Variants in WDR11 observed in about 807,000 individuals in gnomAD.
WDR11 encodes WD repeat-containing protein 11.
In WDR11, 83 loss-of-function variants were observed where a neutral mutation model predicts 151.2. The ratio of observed to expected loss-of-function variants is 0.55; its 90% CI spans 0.46 to 0.66. The LOEUF (loss-of-function observed/expected upper bound fraction) is 0.66, where lower values mean the gene tolerates loss of function less well. WDR11 is among the 30% of genes least tolerant of loss of function. WDR11 has a pLI of 0.00. For synonymous variants in WDR11, 484 were observed against 533.1 expected (o/e 0.91, Z 1.27); for missense variants, 1,301 against 1,480.9 (o/e 0.88, Z 1.99).
At chr10:120,864,996 G>T in intron 5 of WDR11, 51 bp from the exon 6 acceptor site, 1 of 1,576,436 alleles carries the variant, frequency 6.3e-7, no homozygotes, top group Non-Finnish European at 8.7e-7. Flanking sequence ...TCTTTTATTA[G>T]GTCTGATATA....
chr10:120,857,079 CAT>C lies in WDR11; in HGVS notation c.199-1553_199-1552del, dbSNP rs138746996. On this transcript the variant is annotated intron_variant, in intron 2 of 28. Coordinates refer to ENST00000263461, the MANE Select transcript of WDR11 (RefSeq NM_018117.12). ...ACACATGCCTGAGCAAAGATTATCA[CAT>C]ATATATATATGTATGTATTTTTTGC... 7.3e-5 allele frequency among the ~76,000 whole-genome samples: 11 copies of C among 151,338 alleles called. No individual in the cohort carries two copies. The South Asian group carries it at 1.5e-3, about 20-fold the overall frequency.
At chr10:120,890,530 A>G (rs528950491) in intron 18 of WDR11, among the ~76,000 whole-genome samples, 186 bp from the exon 19 acceptor site, 1 of 152,244 alleles carries the variant, frequency 6.6e-6, no homozygotes, top group South Asian at 2.1e-4. Context: ...TTTATTTTTT[A>G]ATATTATCAC....
intron 12 of WDR11, among the ~76,000 whole-genome samples, 184 bp downstream of exon 12, chr10:120,878,643 T>C (rs1846889131): frequency 1.3e-5 from 2 of 152,196 alleles, no homozygotes; most frequent in East Asian, 1.9e-4. Context: ...ATGGAAATGT[T>C]GTTGGCACAA....
chr10:120,905,170 T>TA, intron 25 of WDR11, 149 bp from the exon 26 acceptor site: 1 of 793,152 alleles, frequency 1.3e-6, no homozygotes, highest in Non-Finnish European at 2.1e-6. Context: ...AAACTCTTAA[T>TA]ATTATGTTTC....
At chr10:120,901,232 T>G (rs557602943) in intron 21 of WDR11, 134 bp downstream of exon 21, 3 of 795,174 alleles carry the variant, frequency 3.8e-6, no homozygotes, top group South Asian at 3.1e-5. Context: ...CCATTCTGTT[T>G]AGAGGTTTGC....
At chr10:120,875,164 C>T (rs568693944) in intron 11 of WDR11, among the ~76,000 whole-genome samples, 23 of 152,262 alleles carry the variant, frequency 1.5e-4, no homozygotes, top group African/African-American at 4.3e-4. Context: ...TTTATGGCTG[C>T]GTATTTTTCA....
chr10:120,875,651 C>G (rs1054613404), intron 11 of WDR11, among the ~76,000 whole-genome samples: 1 of 152,046 alleles, frequency 6.6e-6, no homozygotes, highest in Admixed American at 6.6e-5. Flanking sequence ...ACTACAGGCA[C>G]GTGCCACCAT....
chr10:120,878,477 C>A lies in WDR11; in HGVS notation c.1663+18C>A. ...TCCAACAGGTTTGTTTTTAAAGATC[C>A]AAATAGGTTTGTCATATTGAATAAA... On this transcript the variant is annotated intron_variant, in intron 12 of 28. Coordinates refer to ENST00000263461, the MANE Select transcript of WDR11 (RefSeq NM_018117.12). 1 of 1,580,498 alleles carries A rather than the reference C, an allele frequency of 6.3e-7. No homozygotes were observed. Among genetic ancestry groups the A allele is most frequent in the Non-Finnish European group, 8.7e-7 (1 of 1,150,082 alleles).
intron 1 of WDR11, chr10:120,851,730 C>G (rs775544876): frequency 1.0e-4 from 64 of 610,462 alleles, no homozygotes; most frequent in Non-Finnish European, 1.7e-4. Context: ...CCCTCTTTCT[C>G]GCGTATTTCT....
Position 120,867,183 on chromosome 10 carries a change from C to T in WDR11, c.1294+14C>T, listed in dbSNP as rs768124262. 1 of 1,567,458 alleles carries T rather than the reference C, an allele frequency of 6.4e-7. No homozygotes were observed. The highest frequency in any genetic ancestry group is 1.1e-5 in the South Asian group (1 of 90,124). On this transcript the variant is annotated intron_variant, in intron 9 of 28. Transcript: ENST00000263461. ...ATAACATGATTGGTAAGCTTTTTTC[C>T]CCTCTAACTCCATGTTAAGTATTCT...
intron 3 of WDR11, among the ~76,000 whole-genome samples, chr10:120,859,838 A>C (rs1168129839): frequency 6.6e-6 from 1 of 151,998 alleles, no homozygotes; most frequent in Admixed American, 6.6e-5. Flanking sequence ...GATTAGGGCA[A>C]ATTGCCTTTT....
In WDR11 at chr10:120,903,167, C is replaced by G. The variant is rs1487155345; in HGVS notation, c.2866C>G (p.Arg956Gly). ...STTAPKEAAP[R>G]DKLSNPLDIC... ...AACAGCTCCTAAAGAAGCTGCTCCTCGAGACAAACTGAGCAACCCACTGGA... is the reference window on the plus strand; with the variant it reads ...AACAGCTCCTAAAGAAGCTGCTCCTGGAGACAAACTGAGCAACCCACTGGA... The change falls in exon 23 of 29, where the codon CGA (arginine) becomes GGA (glycine). Residue 956 changes from arginine (R) to glycine (G), a missense_variant. Physicochemically the swap from Arg to Gly is moderately radical, Grantham distance 125. This residue lies in a region of WDR11 where 589 missense variants were observed against 670.6 expected (regional missense o/e 0.88). Coordinates refer to ENST00000263461, the MANE Select transcript of WDR11 (RefSeq NM_018117.12). 2.5e-6 allele frequency: 4 copies of G among 1,614,142 alleles called. No homozygotes were observed. Among genetic ancestry groups the G allele is most frequent in the African/African-American group, 1.3e-5 (1 of 75,026 alleles).
At chr10:120,867,008 C>G (rs188937654) in intron 8 of WDR11, 58 bp from the exon 9 acceptor site, 2 of 1,387,258 alleles carry the variant, frequency 1.4e-6, no homozygotes, top group African/African-American at 2.8e-5. Context: ...CTTTGAATTC[C>G]TAATACGTAA....
intron 19 of WDR11, among the ~76,000 whole-genome samples, chr10:120,896,822 T>TA (rs1160975235): frequency 6.6e-6 from 1 of 152,116 alleles, no homozygotes; most frequent in African/African-American, 2.4e-5. Context: ...TTTGGGTTGG[T>TA]AAAAAATCAT....
chr10:120,881,000 T>C (rs934330204), intron 13 of WDR11, 99 bp downstream of exon 13: 11 of 1,074,880 alleles, frequency 1.0e-5, no homozygotes, highest in Non-Finnish European at 1.5e-5. Flanking sequence ...GGAATGCATA[T>C]GGAATCTTTT....
chr10:120,895,304 A>T (rs933036726), intron 19 of WDR11, among the ~76,000 whole-genome samples: 3 of 152,182 alleles, frequency 2.0e-5, no homozygotes, highest in Admixed American at 2.0e-4. Flanking sequence ...TGCTATCTAA[A>T]ATATGAATGG....
At chr10:120,862,509 A>G in intron 4 of WDR11, 1 of 466,746 alleles carries the variant, frequency 2.1e-6, no homozygotes, top group Non-Finnish European at 3.8e-6. Flanking sequence ...TCTTTTTAAT[A>G]TAAGACATAA....
Position 120,858,612 on chromosome 10 carries a change from ATTTACTTGATCT to A in WDR11, c.199-30_199-19del. 1 of 1,613,922 alleles carries A rather than the reference ATTTACTTGATCT, an allele frequency of 6.2e-7. No homozygotes were observed. The highest frequency in any genetic ancestry group is 8.5e-7 in the Non-Finnish European group (1 of 1,179,830). On this transcript the variant is annotated intron_variant, in intron 2 of 28. Transcript: ENST00000263461. The stretch of plus-strand genomic sequence containing the variant: ...ATGTTCTGTTTCATCCAGCGCAAGT[ATTTACTTGATCT>A]GATTTCTTCTTGATACAGGTTAAAT...
At chr10:120,872,819 C>T (rs1322168394) in intron 10 of WDR11, among the ~76,000 whole-genome samples, 1 of 152,142 alleles carries the variant, frequency 6.6e-6, no homozygotes, top group Admixed American at 6.5e-5. Flanking sequence ...AACAACTGTA[C>T]AATGTGTTTT....
Sources: gnomAD v4.1 joint callset for allele counts (sites outside exome capture counted in the v4.1 genomes callset) on GRCh38, gnomAD v4.1.1 for gene constraint, gnomAD v4.1.1 regional missense constraint, MANE v1.5 for transcripts, NCBI Gene and HGNC (gene_info 2026-07-23, HGNC 2026-07-21) for gene names.